PRKAG3: variants seen among roughly 807,000 people sequenced by gnomAD.
The protein encoded by PRKAG3 is protein kinase AMP-activated non-catalytic subunit gamma 3.
In PRKAG3, 39 loss-of-function variants were observed where a neutral mutation model predicts 56.5. The ratio of observed to expected loss-of-function variants is 0.69; its 90% CI spans 0.53 to 0.90. The LOEUF (loss-of-function observed/expected upper bound fraction) is 0.90. Ranked by LOEUF, PRKAG3 falls within the 40% of genes least tolerant of loss-of-function variation. The pLI is 0.00. For missense variants in PRKAG3, 628 were observed against 627.5 expected, an observed-to-expected ratio of 1.00 and a Z score of -0.01; for synonymous variants, 243 against 250.1, an observed-to-expected ratio of 0.97 and a Z score of 0.27.
At position 218,827,070 on chromosome 2, in the gene PRKAG3, G is replaced by A. The variant is rs755598172; in HGVS notation, c.1026C>T (p.Ser342=). 6.2e-7 allele frequency: 1 copy of A among 1,613,530 alleles called. No individual in the cohort carries two copies. The highest frequency in any genetic ancestry group is 1.7e-5 in the Admixed American group (1 of 60,030). ...AATCTTGGATAGTGCGGTAGAGGAA[G>A]GAGGGCCGGGGCAGCAGGGAACCCT... Residue 342 remains serine (S), a synonymous_variant, in exon 10 of 13, where the codon TCC becomes TCT. Coordinates refer to ENST00000529249, the Ensembl canonical transcript of PRKAG3. The surrounding 1 kb of genome is among the most constrained non-coding windows in gnomAD (Gnocchi z 5.3).
intron 10 of PRKAG3, 129 bp downstream of exon 10, chr2:218,826,799 T>A (rs1000934): frequency 7.9e-7 from 1 of 1,269,000 alleles, no homozygotes; most frequent in African/African-American, 1.5e-5. Flanking sequence ...AGACGGAGAC[T>A]TCTAATCCCC....
At position 218,828,429 on chromosome 2, in the gene PRKAG3, G is replaced by A. The variant is rs1943969424; in HGVS notation, c.715+90C>T. The stretch of plus-strand genomic sequence containing the variant: ...CTGGGCTTGGCCTGAAGCCAAGCTT[G>A]TGGTATATCAGAGATCAGCCCCAGA... On this transcript the variant is annotated intron_variant, in intron 5 of 12. Transcript: ENST00000529249. 3.0e-6 allele frequency: 4 copies of A among 1,343,548 alleles called. No homozygotes were observed. In the Admixed American group the frequency reaches 6.7e-5, roughly 23 times the overall value. The allele number at this position is 1,343,548 out of a possible 1,614,324, so 83.2% of individuals were successfully genotyped here. A position where few individuals can be genotyped will look rare whatever the true frequency, so the allele number is the denominator to read the frequency against.
chr2:218,824,276 G>A, exon 12 of PRKAG3: 2 of 1,614,158 alleles, frequency 1.2e-6, no homozygotes, highest in South Asian at 1.1e-5. Context: ...GGGGCTGGCA[G>A]GAAAGGACTC....
In PRKAG3 at chr2:218,827,106, G is replaced by A. The variant is rs368401071; in HGVS notation, c.1003-13C>T. 3.5e-5 allele frequency: 56 copies of A among 1,612,828 alleles called. No individual in the cohort carries two copies. The highest frequency in any genetic ancestry group is 4.7e-5 in the Non-Finnish European group (55 of 1,180,024). ...GCAGCAGGGAACCCTGGTTAGGATG[G>A]GGACCAGGTGGAGATCAGGGATCCA... On this transcript the variant is annotated splice_polypyrimidine_tract_variant and intron_variant, in intron 9 of 12. Transcript: ENST00000529249. This position sits in a 1 kb window ranked among gnomAD's most constrained non-coding sequence, Gnocchi z 5.3.
chr2:218,826,868 C>G, intron 10 of PRKAG3, 60 bp downstream of exon 10: 1 of 1,599,278 alleles, frequency 6.3e-7, no homozygotes, highest in Non-Finnish European at 8.6e-7. Flanking sequence ...CCCATATTCT[C>G]CCCACCAGGT....
rs1331737894 is a variant in PRKAG3 at position 218,824,663 on chromosome 2, G to A, written c.1169-87C>T. On this transcript the variant is annotated intron_variant, in intron 10 of 12. Transcript: ENST00000529249. ...CGGGGTGCTGTGTAGAGGGCCTAGG[G>A]CTATTTGCATCAGGGTGCCACTACC... 1.1e-5 allele frequency: 14 copies of A among 1,227,328 alleles called. No homozygotes were observed. The East Asian group carries it at 1.6e-4, about 14-fold the overall frequency. The allele number at this position is 1,227,328 out of a possible 1,614,324, so 76.0% of individuals were successfully genotyped here.
At chr2:218,824,856 C>A (rs1038429801) in intron 10 of PRKAG3, among the ~76,000 whole-genome samples, 1 of 152,006 alleles carries the variant, frequency 6.6e-6, no homozygotes, top group African/African-American at 2.4e-5. Context: ...TACAGGAAAC[C>A]CAGGAATAGA....
Position 218,830,747 on chromosome 2 carries a change from T to A in PRKAG3, c.228A>T (p.Glu76Asp), listed in dbSNP as rs1206338722. Residue 76 changes from glutamate to aspartate, a missense_variant and splice_region_variant, in exon 3 of 13, where the codon GAA becomes GAT. Coordinates refer to ENST00000529249, the Ensembl canonical transcript of PRKAG3. ...CCCCAGAACTGGCCTTGGCCTCACC[T>A]TCCCCCTGACCTGGTGGCTCCCCTT... is the stretch of plus-strand genomic sequence containing the variant. 6.2e-6 allele frequency: 10 copies of A among 1,612,060 alleles called. No individual in the cohort carries two copies. The Admixed American group carries it at 1.5e-4, about 24-fold the overall frequency.
chr2:218,824,740 G>T (rs1194507078), intron 10 of PRKAG3, among the ~76,000 whole-genome samples, 164 bp from the exon 11 acceptor site: 1 of 152,150 alleles, frequency 6.6e-6, no homozygotes, highest in Non-Finnish European at 1.5e-5. Flanking sequence ...CTGACATTGA[G>T]CATCCTGAGG....
At chr2:218,828,652 C>A (rs774247949) in intron 4 of PRKAG3, 52 bp from the exon 5 acceptor site, 10 of 1,476,106 alleles carry the variant, frequency 6.8e-6, no homozygotes, top group Non-Finnish European at 9.3e-6. Flanking sequence ...ACCCTCACCC[C>A]CCTCTCTGCC....
chr2:218,829,864 C>A, intron 4 of PRKAG3, 114 bp downstream of exon 4: 1 of 1,343,692 alleles, frequency 7.4e-7, no homozygotes, highest in Non-Finnish European at 1.0e-6. Flanking sequence ...GGAGTCCTTT[C>A]AGGGGGCTTG....
chr2:218,830,616 G>T, intron 3 of PRKAG3, 130 bp downstream of exon 3: 1 of 1,256,040 alleles, frequency 8.0e-7, no homozygotes, highest in East Asian at 2.4e-5. Flanking sequence ...TAGGGAGACT[G>T]AGGCCACAAG....
rs201145082 is a variant in PRKAG3 at position 218,826,927 on chromosome 2, C to G, written c.1168+1G>C. 1 of 1,614,046 alleles carries G rather than the reference C, an allele frequency of 6.2e-7. No individual in the cohort carries two copies. Among genetic ancestry groups the G allele is most frequent in the African/African-American group, 1.3e-5 (1 of 75,048 alleles). On this transcript the variant is annotated splice_donor_variant, in intron 10 of 12. Coordinates refer to ENST00000529249, the Ensembl canonical transcript of PRKAG3. LOFTEE classifies it high-confidence loss of function. ...GAGCCTCTCATCCTGGGGGTGGGTA[C>G]CACATTCGTTGACCACAGGCAGTGC... is the stretch of plus-strand genomic sequence containing the variant.
At chr2:218,826,804 A>T in intron 10 of PRKAG3, 124 bp downstream of exon 10, 1 of 1,303,012 alleles carries the variant, frequency 7.7e-7, no homozygotes, top group African/African-American at 1.5e-5. Context: ...GAGACTTCTA[A>T]TCCCCAGTCC....
chr2:218,829,366 GCTGGAGTGCAGTGGCACGAT>G (rs1204092697), intron 4 of PRKAG3, among the ~76,000 whole-genome samples: 4 of 151,680 alleles, frequency 2.6e-5, no homozygotes, highest in Non-Finnish European at 4.4e-5. Context: ...TGTCTCCCGG[GCTGGAGTGCAGTGGCACGAT>G]CTCGGCTCAC....
At position 218,824,209 on chromosome 2, in the gene PRKAG3, G is replaced by A; in HGVS notation, c.1353+13C>T. The A allele has an allele frequency of 6.2e-7, 1 of 1,614,088 alleles. No individual in the cohort carries two copies. Among genetic ancestry groups the A allele is most frequent in the South Asian group, 1.1e-5 (1 of 91,076 alleles). On this transcript the variant is annotated intron_variant, in intron 12 of 12. Transcript: ENST00000529249. The stretch of plus-strand genomic sequence containing the variant: ...TATATGTGTTGGGGGCATGAATGGA[G>A]GGCACACGGTACCTGCTCCCGAGCA...
Position 218,827,823 on chromosome 2 carries a change from C to T in PRKAG3, c.820+10G>A, listed in dbSNP as rs1349169268. The T allele has an allele frequency of 6.2e-7, 1 of 1,613,704 alleles. No individual in the cohort carries two copies. The highest frequency in any genetic ancestry group is 8.5e-7 in the Non-Finnish European group (1 of 1,179,680). ...CCAACAGCCCTTTCCGGGTTCCTCT[C>T]CCCACTCACCCCTCCAGGTCTCAAT... On this transcript the variant is annotated intron_variant, in intron 7 of 12. Transcript: ENST00000529249. This position sits in a 1 kb window ranked among gnomAD's most constrained non-coding sequence, Gnocchi z 5.3.
chr2:218,830,781 G>A (rs1361972890), exon 3 of PRKAG3: 5 of 1,612,808 alleles, frequency 3.1e-6, no homozygotes, highest in South Asian at 1.1e-5. Context: ...TTCCTCCACC[G>A]ACTTCTGCCT....
intron 10 of PRKAG3, among the ~76,000 whole-genome samples, chr2:218,826,041 G>A (rs1429947461): frequency 6.6e-6 from 1 of 152,162 alleles, no homozygotes; most frequent in Non-Finnish European, 1.5e-5. Flanking sequence ...TTACAGGCAT[G>A]AGCCACCGCC....
Sources: gnomAD v4.1 joint callset for allele counts (sites outside exome capture counted in the v4.1 genomes callset) on GRCh38, gnomAD v4.1.1 for gene constraint, Gnocchi (gnomAD v3.1) non-coding constraint, MANE v1.5 for transcripts, NCBI Gene and HGNC (gene_info 2026-07-23, HGNC 2026-07-21) for gene names.